JAKMIP2: variants seen among roughly 807,000 people sequenced by gnomAD.
JAKMIP2 encodes janus kinase and microtubule interacting protein 2.
A neutral mutation model predicts 115.0 loss-of-function variants in JAKMIP2; 25 were observed. The ratio of observed to expected loss-of-function variants is 0.22; its 90% CI spans 0.16 to 0.30. The LOEUF (loss-of-function observed/expected upper bound fraction) is 0.30, where lower values mean the gene tolerates loss of function less well. JAKMIP2 is among the 10% of genes least tolerant of loss of function. The probability of loss-of-function intolerance (pLI) is 1.00; values close to 1 mark genes in which losing one functional copy is unlikely to be tolerated. For synonymous variants in JAKMIP2, 334 were observed against 343.6 expected (o/e 0.97, Z 0.31); for missense variants, 642 against 957.6 (o/e 0.67, Z 4.35).
chr5:147,587,945 C>CG lies in JAKMIP2; in HGVS notation c.*3761_*3762insC, dbSNP rs1754942719. 1.6e-5 allele frequency: 2 copies of CG among 128,834 alleles called. No homozygotes were observed. Among genetic ancestry groups the CG allele is most frequent in the South Asian group, 5.3e-4 (2 of 3,806 alleles). 8.0% of individuals were successfully genotyped at this position (128,834 alleles called of 1,614,324 possible). On this transcript the variant is annotated 3_prime_UTR_variant, in exon 22 of 22. Transcript: ENST00000616793. ...ACCTGTATGAGCAGTTATTTGTGGG[C>CG]CAAAAAAAAAAAAAAAAATTAAATC...
chr5:147,611,230 A>G (rs144451288), intron 20 of JAKMIP2, among the ~76,000 whole-genome samples: 1 of 152,312 alleles, frequency 6.6e-6, no homozygotes, highest in African/African-American at 2.4e-5. Flanking sequence ...CCACTGGGGT[A>G]TGAAATAAAA....
chr5:147,619,840 C>A (rs1303629917), intron 18 of JAKMIP2, among the ~76,000 whole-genome samples: 1 of 152,130 alleles, frequency 6.6e-6, no homozygotes, highest in East Asian at 1.9e-4. Context: ...TCAACTTGGG[C>A]AAAGTTCTTA....
intron 6 of JAKMIP2, 84 bp downstream of exon 6, chr5:147,644,766 A>C: frequency 8.1e-7 from 1 of 1,236,910 alleles, no homozygotes; most frequent in Non-Finnish European, 1.1e-6. Context: ...TATTTTTAAA[A>C]TAAGCTGAGA....
intron 2 of JAKMIP2, among the ~76,000 whole-genome samples, chr5:147,663,184 A>G (rs1241838306): frequency 6.6e-6 from 1 of 152,160 alleles, no homozygotes; most frequent in Non-Finnish European, 1.5e-5. Context: ...AGTGTCTGTG[A>G]TGGCTAATAC....
chr5:147,649,544 T>C (rs1014532591), intron 4 of JAKMIP2, among the ~76,000 whole-genome samples: 1 of 152,170 alleles, frequency 6.6e-6, no homozygotes, highest in Non-Finnish European at 1.5e-5. Flanking sequence ...TCTTGACAAC[T>C]ATGCTATATT....
At chr5:147,718,085 T>G (rs1451871661) in intron 1 of JAKMIP2, among the ~76,000 whole-genome samples, 1 of 141,912 alleles carries the variant, frequency 7.0e-6, no homozygotes, top group Non-Finnish European at 1.5e-5. Context: ...AAAGGCCTTT[T>G]CTGCATCTAT....
intron 1 of JAKMIP2, among the ~76,000 whole-genome samples, chr5:147,747,485 A>G (rs146979471): frequency 9.3e-4 from 141 of 152,274 alleles, no homozygotes; most frequent in Admixed American, 2.0e-3. Context: ...CTAAATAGAA[A>G]GAAGCTGACT....
chr5:147,739,492 CCAAA>C (rs1477703208), intron 1 of JAKMIP2, among the ~76,000 whole-genome samples: 1 of 152,020 alleles, frequency 6.6e-6, no homozygotes, highest in African/African-American at 2.4e-5. Flanking sequence ...GAGGGGCTGG[CCAAA>C]CAGTGACGTT....
chr5:147,641,662 T>C lies in JAKMIP2; in HGVS notation c.1281+46A>G, dbSNP rs768242493. On this transcript the variant is annotated intron_variant, in intron 8 of 21. Transcript: ENST00000616793. Reference sequence around the variant, plus strand: ...AAGATTCCATGCCAAGCCTCATCTCTCTGGCTGTTTGTGGCAAATGCCTGA... The same window carrying C: ...AAGATTCCATGCCAAGCCTCATCTCCCTGGCTGTTTGTGGCAAATGCCTGA... The C allele has an allele frequency of 2.9e-6, 4 of 1,363,876 alleles. No individual in the cohort carries two copies. In the South Asian group the frequency reaches 4.7e-5, roughly 16 times the overall value. The allele number at this position is 1,363,876 out of a possible 1,614,324, so 84.5% of individuals were successfully genotyped here.
intron 21 of JAKMIP2, among the ~76,000 whole-genome samples, chr5:147,601,433 A>G (rs1755689178): frequency 1.3e-5 from 2 of 152,002 alleles, no homozygotes; most frequent in Admixed American, 6.6e-5. Flanking sequence ...TCTACTAAAA[A>G]TAATAATAAA....
intron 20 of JAKMIP2, among the ~76,000 whole-genome samples, chr5:147,603,101 GC>G (rs1755798014): frequency 6.6e-6 from 1 of 152,146 alleles, no homozygotes; most frequent in Admixed American, 6.5e-5. Context: ...ATGAGGAGAT[GC>G]CCATCACTTA....
intron 1 of JAKMIP2, among the ~76,000 whole-genome samples, chr5:147,774,203 T>C (rs1279272516): frequency 6.6e-6 from 1 of 152,184 alleles, no homozygotes. Flanking sequence ...GTGGTCAAAA[T>C]AATTCCTTCC....
intron 1 of JAKMIP2, among the ~76,000 whole-genome samples, chr5:147,719,338 G>C (rs1448561203): frequency 2.2e-5 from 3 of 137,716 alleles, no homozygotes; most frequent in Non-Finnish European, 3.0e-5. Context: ...ATTTGGGGTG[G>C]AGAGTTCTGT....
At chr5:147,657,973 T>G (rs1758763168) in intron 3 of JAKMIP2, among the ~76,000 whole-genome samples, 1 of 152,074 alleles carries the variant, frequency 6.6e-6, no homozygotes, top group African/African-American at 2.4e-5. Flanking sequence ...CACAGGTGTT[T>G]GTTATTTACT....
At position 147,782,706 on chromosome 5, in the gene JAKMIP2, C is replaced by G. The variant is rs1755810847; in HGVS notation, c.-399G>C. ...CAGCATCACCAGTTGGGCCTCCTCC[C>G]TCTCGGAGGATGGGGTGAGCTCGGA... On this transcript the variant is annotated 5_prime_UTR_variant, in exon 1 of 22. Coordinates refer to ENST00000616793, the MANE Select transcript of JAKMIP2 (RefSeq NM_001270941.2). 2 of 615,780 alleles carry G rather than the reference C, an allele frequency of 3.2e-6. No individual in the cohort carries two copies. Among genetic ancestry groups the G allele is most frequent in the Admixed American group, 5.0e-5 (2 of 40,272 alleles). 38.1% of individuals were successfully genotyped at this position (615,780 alleles called of 1,614,324 possible).
intron 1 of JAKMIP2, among the ~76,000 whole-genome samples, chr5:147,759,231 GA>G (rs994156965): frequency 6.7e-6 from 1 of 149,098 alleles, no homozygotes; most frequent in Admixed American, 6.7e-5. Context: ...AAACAGAAAA[GA>G]AAAAAAGGAG....
At chr5:147,615,063 G>T (rs1252247484) in intron 19 of JAKMIP2, among the ~76,000 whole-genome samples, 1 of 152,150 alleles carries the variant, frequency 6.6e-6, no homozygotes, top group African/African-American at 2.4e-5. Context: ...AATTGCCTCA[G>T]TCATTGTTCA....
chr5:147,622,739 C>T (rs961886738), intron 17 of JAKMIP2, among the ~76,000 whole-genome samples: 22 of 152,186 alleles, frequency 1.4e-4, no homozygotes, highest in African/African-American at 5.3e-4. Context: ...CTCTTCCAGA[C>T]TCTGGTTTCA....
intron 1 of JAKMIP2, among the ~76,000 whole-genome samples, chr5:147,675,670 G>A (rs1452346269): frequency 1.3e-5 from 2 of 151,722 alleles, no homozygotes; most frequent in Admixed American, 6.6e-5. Flanking sequence ...TATTCCCCAC[G>A]CAGCTCTCTC....
Sources: allele counts gnomAD v4.1 joint callset (sites outside exome capture counted in the v4.1 genomes callset), GRCh38; gene constraint gnomAD v4.1.1; transcripts MANE v1.5; gene names NCBI Gene and HGNC (gene_info 2026-07-23, HGNC 2026-07-21).